ZBTB20: variants seen among roughly 807,000 people sequenced by gnomAD.
ZBTB20 encodes zinc finger and BTB domain-containing protein 20.
In ZBTB20, 9 loss-of-function variants were observed where a neutral mutation model predicts 56.9. That is an observed-to-expected ratio of 0.16 (90% confidence interval 0.10 to 0.28). ZBTB20 has a LOEUF of 0.28. ZBTB20 is among the 10% of genes least tolerant of loss of function. The pLI is 1.00. For missense variants in ZBTB20, 655 were observed against 1,003.0 expected, an observed-to-expected ratio of 0.65 and a Z score of 4.69; for synonymous variants, 417 against 420.7, an observed-to-expected ratio of 0.99 and a Z score of 0.11.
At chr3:114,845,812 T>C (rs903155353) in intron 4 of ZBTB20, among the ~76,000 whole-genome samples, 5 of 152,212 alleles carry the variant, frequency 3.3e-5, no homozygotes, top group African/African-American at 1.2e-4. Context: ...TACATTCTTA[T>C]ATTATGCGAA....
intron 6 of ZBTB20, among the ~76,000 whole-genome samples, chr3:114,588,401 G>A (rs2055398953): frequency 6.6e-6 from 1 of 152,140 alleles, no homozygotes; most frequent in African/African-American, 2.4e-5. Flanking sequence ...AATGTCTCCT[G>A]AACATTATGT....
At chr3:114,602,391 A>G (rs2056827173) in intron 6 of ZBTB20, among the ~76,000 whole-genome samples, 1 of 152,028 alleles carries the variant, frequency 6.6e-6, no homozygotes, top group Non-Finnish European at 1.5e-5. Flanking sequence ...TCATTATAGT[A>G]TACGTGGAAC....
At chr3:114,496,165 T>G (rs1167969148) in intron 7 of ZBTB20, among the ~76,000 whole-genome samples, 1 of 152,196 alleles carries the variant, frequency 6.6e-6, no homozygotes, top group Non-Finnish European at 1.5e-5. Context: ...ACATAGGCTT[T>G]GAAAACATGA....
intron 1 of ZBTB20, among the ~76,000 whole-genome samples, chr3:115,074,541 T>A (rs1156964281): frequency 2.0e-5 from 3 of 152,192 alleles, no homozygotes; most frequent in Non-Finnish European, 4.4e-5. Flanking sequence ...TATGTTGGTT[T>A]TCTGCTTCTG....
intron 6 of ZBTB20, chr3:114,624,761 A>G (rs1462733440): frequency 6.5e-6 from 1 of 152,970 alleles, no homozygotes; most frequent in Non-Finnish European, 1.5e-5. Flanking sequence ...AGGACAAAGG[A>G]AAACTCCTGA....
At chr3:114,698,474 C>T (rs2063193133) in intron 5 of ZBTB20, among the ~76,000 whole-genome samples, 1 of 152,064 alleles carries the variant, frequency 6.6e-6, no homozygotes, top group Non-Finnish European at 1.5e-5. Context: ...GCTTCCCATG[C>T]CATATAATGA....
At chr3:115,055,853 A>C (rs1475100360) in intron 2 of ZBTB20, among the ~76,000 whole-genome samples, 13 of 152,164 alleles carry the variant, frequency 8.5e-5, no homozygotes. Flanking sequence ...TTAATTATAG[A>C]GAACAGTACA....
chr3:114,417,862 T>C (rs2088734134), intron 7 of ZBTB20, among the ~76,000 whole-genome samples: 1 of 152,114 alleles, frequency 6.6e-6, no homozygotes, highest in South Asian at 2.1e-4. Context: ...TCAAAGTATA[T>C]GCCAAGAAAC....
In ZBTB20 at chr3:114,883,916, C is replaced by CCTTTTTTTTTTTTTTTTTT. The variant is rs1223732179; in HGVS notation, c.-417+16387_-417+16388insAAAAAAAAAAAAAAAAAAG. Reference sequence around the variant, plus strand: ...GTATAACTGGTAAGAATGGTGTGTTCTTTTTTTTTTTTTTTTTTTTTTTTT... The same window carrying CCTTTTTTTTTTTTTTTTTT: ...GTATAACTGGTAAGAATGGTGTGTTCCTTTTTTTTTTTTTTTTTTTTTTTTTTTTTTTTTTTTTTTTTTT... On this transcript the variant is annotated intron_variant, in intron 4 of 11. Transcript: ENST00000675478. Among the ~76,000 whole-genome samples the CCTTTTTTTTTTTTTTTTTT allele has an allele frequency of 6.7e-4, 60 of 89,830 alleles. 25 individuals are homozygous for CCTTTTTTTTTTTTTTTTTT. Among genetic ancestry groups the CCTTTTTTTTTTTTTTTTTT allele is most frequent in the African/African-American group, 1.2e-3 (29 of 25,080 alleles). 58.9% of individuals were successfully genotyped at this position (89,830 alleles called of 152,430 possible).
chr3:114,834,157 A>T (rs1379467264), intron 4 of ZBTB20, among the ~76,000 whole-genome samples: 2 of 152,184 alleles, frequency 1.3e-5, no homozygotes, highest in Non-Finnish European at 2.9e-5. Flanking sequence ...CCTATTAAAA[A>T]TTTTAAATCT....
At position 115,027,942 on chromosome 3, in the gene ZBTB20, T is replaced by C. The variant is rs1259382881; in HGVS notation, c.-507+43277A>G. On this transcript the variant is annotated intron_variant, in intron 2 of 11. Transcript: ENST00000675478. ...TCAAAAATTGATAGATAAAATTCTA[T>C]GTATTTTCCATGTATAACATGTTTT... Among the ~76,000 whole-genome samples the C allele has an allele frequency of 2.7e-5, 4 of 150,884 alleles. No individual in the cohort carries two copies. In the East Asian group the frequency reaches 7.7e-4, roughly 29 times the overall value.
intron 1 of ZBTB20, among the ~76,000 whole-genome samples, chr3:115,073,798 A>G (rs1283199171): frequency 1.3e-5 from 2 of 148,614 alleles, no homozygotes; most frequent in African/African-American, 4.9e-5. Flanking sequence ...TTCCCTAAGA[A>G]TTATAAAATA....
chr3:114,379,115 CCTT>C (rs1422144245), intron 10 of ZBTB20: 3 of 152,160 alleles, frequency 2.0e-5, no homozygotes, highest in Non-Finnish European at 4.4e-5. Context: ...TTGTCTCTTG[CCTT>C]CTTTGCAGAA....
At position 114,333,260 on chromosome 3, in the gene ZBTB20, C is replaced by G. The variant is rs1219760492; in HGVS notation, c.*5745G>C. 1.3e-5 allele frequency: 2 copies of G among 152,170 alleles called. No homozygotes were observed. Among genetic ancestry groups the G allele is most frequent in the African/African-American group, 4.8e-5 (2 of 41,438 alleles). 9.4% of individuals were successfully genotyped at this position (152,170 alleles called of 1,614,324 possible). On this transcript the variant is annotated 3_prime_UTR_variant, in exon 12 of 12. Coordinates refer to ENST00000675478, the MANE Select transcript of ZBTB20 (RefSeq NM_001348800.3). ...TTAAGTGATATCAGAAATAGCAACTCTACACGGAAAGCCCTTGGGAATATG... is the reference window on the plus strand; with the variant it reads ...TTAAGTGATATCAGAAATAGCAACTGTACACGGAAAGCCCTTGGGAATATG...
chr3:114,363,999 C>T (rs759182666), intron 10 of ZBTB20, among the ~76,000 whole-genome samples: 3 of 152,170 alleles, frequency 2.0e-5, no homozygotes, highest in Non-Finnish European at 4.4e-5. Flanking sequence ...CATAACAGTA[C>T]ATGGCCTTCA....
At chr3:114,343,513 T>G (rs1009360667) in intron 11 of ZBTB20, among the ~76,000 whole-genome samples, 8 of 152,204 alleles carry the variant, frequency 5.3e-5, no homozygotes, top group Admixed American at 5.2e-4. Flanking sequence ...GGGTGCTTGA[T>G]GAGACAGCAG....
chr3:115,128,529 C>T (rs984995720), intron 1 of ZBTB20, among the ~76,000 whole-genome samples: 1 of 151,392 alleles, frequency 6.6e-6, no homozygotes, highest in Non-Finnish European at 1.5e-5. Context: ...CTGGGTGTGG[C>T]GGCACATGCC....
chr3:115,113,463 C>G (rs1053041257), intron 1 of ZBTB20, among the ~76,000 whole-genome samples: 1 of 152,230 alleles, frequency 6.6e-6, no homozygotes, highest in Non-Finnish European at 1.5e-5. Context: ...CTTCCTGCCT[C>G]CTGCTTTTGG....
At chr3:115,126,828 T>C (rs1487082180) in intron 1 of ZBTB20, among the ~76,000 whole-genome samples, 2 of 152,210 alleles carry the variant, frequency 1.3e-5, no homozygotes, top group African/African-American at 4.8e-5. Context: ...TCTAATACTT[T>C]GGTTAGGTCT....
Sources: gnomAD v4.1 joint callset for allele counts (sites outside exome capture counted in the v4.1 genomes callset) on GRCh38, gnomAD v4.1.1 for gene constraint, MANE v1.5 for transcripts, NCBI Gene and HGNC (gene_info 2026-07-23, HGNC 2026-07-21) for gene names.